PKHD1: variants seen among roughly 807,000 people sequenced by gnomAD.
The protein encoded by PKHD1 is fibrocystin.
PKHD1 carries 291 observed loss-of-function variants against 412.0 expected under a neutral mutation model. The ratio of observed to expected loss-of-function variants is 0.71; its 90% CI spans 0.64 to 0.78. PKHD1 has a LOEUF of 0.78. PKHD1 is among the 30% of genes least tolerant of loss of function. PKHD1 has a pLI of 0.00. For missense variants in PKHD1, 4,825 were observed against 4,950.7 expected (o/e 0.97, Z 0.76); for synonymous variants, 1,777 against 1,821.5 (o/e 0.98, Z 0.62).
intron 43 of PKHD1, among the ~76,000 whole-genome samples, chr6:51,897,176 T>C (rs1241806080): frequency 3.9e-5 from 6 of 152,046 alleles, no homozygotes; most frequent in African/African-American, 2.4e-5. Flanking sequence ...CACAAAGATA[T>C]TCATCGAGAA....
At chr6:51,818,455 C>T (rs959017038) in intron 52 of PKHD1, among the ~76,000 whole-genome samples, 4 of 152,170 alleles carry the variant, frequency 2.6e-5, no homozygotes, top group Non-Finnish European at 5.9e-5. Flanking sequence ...TAGACAGACT[C>T]AGGGAATCCA....
intron 13 of PKHD1, among the ~76,000 whole-genome samples, chr6:52,063,103 T>A (rs1440994675): frequency 1.3e-5 from 2 of 152,204 alleles, no homozygotes; most frequent in Admixed American, 6.5e-5. Context: ...CCCCATAACA[T>A]TGGCAATCCT....
chr6:51,727,594 A>C (rs1231436453), intron 60 of PKHD1, among the ~76,000 whole-genome samples: 1 of 152,182 alleles, frequency 6.6e-6, no homozygotes, highest in Non-Finnish European at 1.5e-5. Context: ...GTCTGCCCAC[A>C]TATGCAGTGC....
chr6:52,020,814 C>G (rs575564097), intron 33 of PKHD1, among the ~76,000 whole-genome samples: 1 of 152,182 alleles, frequency 6.6e-6, no homozygotes, highest in East Asian at 1.9e-4. Flanking sequence ...TGGTTGTACT[C>G]AATCCTGTCT....
intron 53 of PKHD1, among the ~76,000 whole-genome samples, chr6:51,778,119 C>CA (rs5876236): frequency 0.57 from 86,756 of 151,790 alleles, 25,861 homozygotes; most frequent in East Asian, 0.83. Context: ...ATTTTCTTCT[C>CA]AATCTAGCAA....
chr6:51,683,422 C>CA (rs556980701), intron 60 of PKHD1, among the ~76,000 whole-genome samples: 16 of 151,986 alleles, frequency 1.1e-4, no homozygotes, highest in Non-Finnish European at 1.6e-4. Context: ...GAACAAATAC[C>CA]AAAAAATATA....
intron 60 of PKHD1, among the ~76,000 whole-genome samples, chr6:51,669,890 G>A (rs1385702750): frequency 7.3e-6 from 1 of 136,356 alleles, no homozygotes; most frequent in Admixed American, 7.4e-5. Flanking sequence ...GTTCTAGTTT[G>A]ATTGCACTGT....
chr6:52,086,254 GT>G (rs1197598524), intron 1 of PKHD1, among the ~76,000 whole-genome samples: 1 of 151,208 alleles, frequency 6.6e-6, no homozygotes, highest in East Asian at 2.0e-4. Flanking sequence ...GGGATTACAG[GT>G]GTGCGCCACC....
rs370442700 is a variant in PKHD1, at chr6:52,024,782, C to T, written c.5028G>A (p.Gln1676=). Reference sequence around the variant, plus strand: ...TGTCAATGTTTGCAGCTCCTGAGATCTGGGCCACTGCAAAGGTTAAGATGT... The same window carrying T: ...TGTCAATGTTTGCAGCTCCTGAGATTTGGGCCACTGCAAAGGTTAAGATGT... The part of the protein sequence containing the change: ...SDDILTFAVA[Q]ISGAANIDIF... The change falls in exon 32 of 67, where the codon CAG becomes CAA. Residue 1676 remains glutamine (Q), a synonymous_variant. Coordinates refer to ENST00000371117, the MANE Select transcript of PKHD1 (RefSeq NM_138694.4). The T allele has an allele frequency of 6.2e-7, 1 of 1,614,072 alleles. No homozygotes were observed. The highest frequency in any genetic ancestry group is 8.5e-7 in the Non-Finnish European group (1 of 1,180,032).
chr6:52,061,512 G>A (rs1289938341), intron 14 of PKHD1, among the ~76,000 whole-genome samples: 1 of 152,104 alleles, frequency 6.6e-6, no homozygotes, highest in Non-Finnish European at 1.5e-5. Context: ...TAAGTACCTA[G>A]TAAGTAAGGC....
intron 48 of PKHD1, among the ~76,000 whole-genome samples, chr6:51,865,700 A>C (rs572287111): frequency 6.6e-6 from 1 of 152,216 alleles, no homozygotes; most frequent in South Asian, 2.1e-4. Context: ...ATGCAACCCC[A>C]AAAGATCATA....
At chr6:51,818,752 T>G (rs1460289943) in intron 52 of PKHD1, among the ~76,000 whole-genome samples, 3 of 152,156 alleles carry the variant, frequency 2.0e-5, no homozygotes, top group Non-Finnish European at 4.4e-5. Flanking sequence ...AAGTGTCATG[T>G]GAGAAATAAA....
chr6:51,683,956 G>T (rs1777067515), intron 60 of PKHD1, among the ~76,000 whole-genome samples: 2 of 152,036 alleles, frequency 1.3e-5, no homozygotes, highest in Non-Finnish European at 2.9e-5. Context: ...CTTGAGTACA[G>T]ATATCAGCCT....
In PKHD1 at chr6:52,062,378, T is replaced by C. The variant is rs1322770333; in HGVS notation, c.1118+141A>G. 7.9e-5 allele frequency: 70 copies of C among 888,168 alleles called. No individual in the cohort carries two copies. The Admixed American group carries it at 1.3e-3, about 16-fold the overall frequency. The allele number at this position is 888,168 out of a possible 1,614,324, so 55.0% of individuals were successfully genotyped here. A position where few individuals can be genotyped will look rare whatever the true frequency, so the allele number is the denominator to read the frequency against. ...TAGCATGACCAACACTGATTGAGAATACTGTCAAACTCTGTTGTTGTTGAA... is the reference window on the plus strand; with the variant it reads ...TAGCATGACCAACACTGATTGAGAACACTGTCAAACTCTGTTGTTGTTGAA... On this transcript the variant is annotated intron_variant, in intron 14 of 66. Coordinates refer to ENST00000371117, the MANE Select transcript of PKHD1 (RefSeq NM_138694.4).
Position 52,070,113 on chromosome 6 carries a change from T to C in PKHD1, c.707+293A>G, listed in dbSNP as rs368379495. On this transcript the variant is annotated intron_variant, in intron 10 of 66. Coordinates refer to ENST00000371117, the MANE Select transcript of PKHD1 (RefSeq NM_138694.4). The stretch of plus-strand genomic sequence containing the variant: ...TCATGAAACCATGTTCCTTATAAGA[T>C]ACTTGTGACAGTTTTCAACCTACAG... Among the ~76,000 whole-genome samples, 17 of 152,330 alleles carry C rather than the reference T, an allele frequency of 1.1e-4. No individual in the cohort carries two copies. In the East Asian group the frequency reaches 1.9e-3, roughly 17 times the overall value.
Position 52,033,162 on chromosome 6 carries a change from T to C in PKHD1, c.3232A>G (p.Lys1078Glu). Reference sequence around the variant, plus strand: ...GTCACATTCACAATGCGTCCATCTTTCCCCTGAAAAATCAATTTTAAAAAT... The same window carrying C: ...GTCACATTCACAATGCGTCCATCTTCCCCCTGAAAAATCAATTTTAAAAAT... The part of the protein sequence containing the change: ...RIQCKVPPRG[K>E]DGRIVNVTVI... The change falls in exon 29 of 67, where the codon AAA becomes GAA. Residue 1078 changes from lysine (K) to glutamate (E), a missense_variant. Physicochemically the swap from Lys to Glu is moderately conservative, Grantham distance 56. Coordinates refer to ENST00000371117, the MANE Select transcript of PKHD1 (RefSeq NM_138694.4). The C allele has an allele frequency of 6.2e-7, 1 of 1,612,456 alleles. No individual in the cohort carries two copies. The highest frequency in any genetic ancestry group is 8.5e-7 in the Non-Finnish European group (1 of 1,178,686).
Position 52,027,914 on chromosome 6 carries a change from A to C in PKHD1, c.3561-18T>G. ...GATCAACCCTACAGAAGATAGGCAG[A>C]TGTTTAGGAAATAACTGACAGAGAG... On this transcript the variant is annotated intron_variant, in intron 30 of 66. Transcript: ENST00000371117. The C allele has an allele frequency of 6.3e-7, 1 of 1,590,668 alleles. No individual in the cohort carries two copies.
In PKHD1 at chr6:51,821,613, C is replaced by T. The variant is rs184849891; in HGVS notation, c.8302+9248G>A. The stretch of plus-strand genomic sequence containing the variant: ...ACTCATTCTAAGAGTTATACATAAT[C>T]TCCTAAATTTTAAAACAAAATATAT... On this transcript the variant is annotated intron_variant, in intron 52 of 66. Coordinates refer to ENST00000371117, the MANE Select transcript of PKHD1 (RefSeq NM_138694.4). 2.3e-3 allele frequency among the ~76,000 whole-genome samples: 355 copies of T among 152,320 alleles called. 2 individuals carry two copies. The highest frequency in any genetic ancestry group is 6.7e-3 in the African/African-American group (280 of 41,568).
chr6:52,068,129 C>T (rs1483048390), intron 11 of PKHD1, among the ~76,000 whole-genome samples: 5 of 152,124 alleles, frequency 3.3e-5, no homozygotes, highest in East Asian at 1.9e-4. Context: ...CCTCTTTAGA[C>T]GACTTTTGGA....
Sources: allele counts gnomAD v4.1 joint callset (sites outside exome capture counted in the v4.1 genomes callset), GRCh38; gene constraint gnomAD v4.1.1; transcripts MANE v1.5; gene names NCBI Gene and HGNC (gene_info 2026-07-23, HGNC 2026-07-21).